The following SLC25A48 variants were observed in gnomAD, a reference collection of about 807,000 sequenced individuals.
SLC25A48 encodes the protein solute carrier family 25 member 48.
In SLC25A48, 29 loss-of-function variants were observed where a neutral mutation model predicts 32.2. That is an observed-to-expected ratio of 0.90 (90% confidence interval 0.67 to 1.23). The LOEUF (loss-of-function observed/expected upper bound fraction) is 1.23. Ranked by LOEUF, SLC25A48 falls within the 50% of genes most tolerant of loss-of-function variation. SLC25A48 has a pLI of 0.00. For synonymous variants in SLC25A48, 164 were observed against 172.3 expected (o/e 0.95, Z 0.38); for missense variants, 399 against 422.7 (o/e 0.94, Z 0.49).
At chr5:135,827,824 C>A (rs946570383) in intron 4 of SLC25A48, among the ~76,000 whole-genome samples, 1 of 151,486 alleles carries the variant, frequency 6.6e-6, no homozygotes, top group Non-Finnish European at 1.5e-5. Flanking sequence ...CCACTGCTCA[C>A]AACTTAGCTT....
intron 3 of SLC25A48, among the ~76,000 whole-genome samples, chr5:135,784,829 G>A (rs1437073223): frequency 8.5e-6 from 1 of 117,936 alleles, no homozygotes; most frequent in Non-Finnish European, 2.1e-5. Context: ...TCCCAATATC[G>A]TAAGAAATGT....
At chr5:135,671,935 G>A (rs969822671) in intron 3 of SLC25A48, among the ~76,000 whole-genome samples, 23 of 134,282 alleles carry the variant, frequency 1.7e-4, no homozygotes, top group African/African-American at 5.9e-4. Context: ...CAAAGTATCC[G>A]GCATTTAAGA....
intron 3 of SLC25A48, among the ~76,000 whole-genome samples, chr5:135,725,130 G>T (rs1471448570): frequency 6.6e-6 from 1 of 152,260 alleles, no homozygotes; most frequent in African/African-American, 2.4e-5. Context: ...CAGGAACAGA[G>T]ACAGCTTTTG....
At chr5:135,773,251 C>G (rs536797438) in intron 3 of SLC25A48, among the ~76,000 whole-genome samples, 2 of 151,498 alleles carry the variant, frequency 1.3e-5, no homozygotes, top group South Asian at 4.2e-4. Context: ...CCCAATATCT[C>G]AGAATGTGTA....
At chr5:135,667,283 A>G (rs1285790489) in intron 3 of SLC25A48, among the ~76,000 whole-genome samples, 1 of 152,190 alleles carries the variant, frequency 6.6e-6, no homozygotes, top group African/African-American at 2.4e-5. Flanking sequence ...GAGCTCTAAA[A>G]TGGAGTTGGA....
At chr5:135,824,639 G>A (rs721835) in intron 4 of SLC25A48, 57,642 of 152,060 alleles carry the variant, frequency 0.38, 12,537 homozygotes, top group Non-Finnish European at 0.49. Flanking sequence ...CCAAGACACC[G>A]CTCCAGGAGG....
At chr5:135,666,026 C>T (rs1437890555) in intron 3 of SLC25A48, among the ~76,000 whole-genome samples, 1 of 152,160 alleles carries the variant, frequency 6.6e-6, no homozygotes, top group Admixed American at 6.6e-5. Flanking sequence ...TTAGGTGAAA[C>T]TCCAATGTGT....
chr5:135,613,447 A>T (rs1752118838), intron 1 of SLC25A48, among the ~76,000 whole-genome samples: 1 of 151,952 alleles, frequency 6.6e-6, no homozygotes. Context: ...TCATTTGTCT[A>T]TTTTTGTTTT....
chr5:135,761,078 A>T (rs1756048797), intron 3 of SLC25A48, among the ~76,000 whole-genome samples: 1 of 152,112 alleles, frequency 6.6e-6, no homozygotes, highest in South Asian at 2.1e-4. Context: ...GGAGTGGAGG[A>T]TAGCTTGAGC....
In SLC25A48 at chr5:135,842,439, C is replaced by T; in HGVS notation, c.70C>T (p.His24Tyr). Residue 24 changes from histidine (H) to tyrosine (Y), a missense_variant, in exon 2 of 8, where the codon CAC becomes TAC. Coordinates refer to ENST00000681962, the MANE Select transcript of SLC25A48 (RefSeq NM_001349336.2). ...IGGAASVIVG[H>Y]PLDTVKTRLQ... ...AGGTGCAGCCAGTGTCATCGTTGGC[C>T]ACCCTCTGGACACAGTCAAGGTACA... 1.9e-6 allele frequency: 3 copies of T among 1,613,870 alleles called. No individual in the cohort carries two copies. The highest frequency in any genetic ancestry group is 2.5e-6 in the Non-Finnish European group (3 of 1,179,772).
chr5:135,744,881 A>T (rs964800373), intron 3 of SLC25A48, among the ~76,000 whole-genome samples: 1 of 152,042 alleles, frequency 6.6e-6, no homozygotes, highest in African/African-American at 2.4e-5. Context: ...GTCTCTACTA[A>T]AACTACAAAA....
chr5:135,624,256 G>A (rs1184671142), intron 1 of SLC25A48, among the ~76,000 whole-genome samples: 4 of 152,160 alleles, frequency 2.6e-5, no homozygotes, highest in South Asian at 2.1e-4. Flanking sequence ...TGACATTTCC[G>A]TCCCAGAGCA....
chr5:135,866,071 C>T (rs1484772137), intron 4 of SLC25A48, among the ~76,000 whole-genome samples: 1 of 152,158 alleles, frequency 6.6e-6, no homozygotes, highest in Non-Finnish European at 1.5e-5. Context: ...ATAGAACCCT[C>T]GTGAAAACCC....
intron 3 of SLC25A48, among the ~76,000 whole-genome samples, chr5:135,713,592 T>C (rs1468561901): frequency 6.6e-6 from 1 of 152,216 alleles, no homozygotes; most frequent in Non-Finnish European, 1.5e-5. Context: ...TTATAGCTTA[T>C]AAGTAGCAGT....
Position 135,887,489 on chromosome 5 carries a change from C to CAT in SLC25A48, c.*8-536_*8-535dup, listed in dbSNP as rs879332327. On this transcript the variant is annotated intron_variant, in intron 7 of 7. Coordinates refer to ENST00000681962, the MANE Select transcript of SLC25A48 (RefSeq NM_001349336.2). The stretch of plus-strand genomic sequence containing the variant: ...GTGTGTGTACATATACACACACACA[C>CAT]ATATATATGTGTGTATATACATATC... 7.9e-5 allele frequency among the ~76,000 whole-genome samples: 12 copies of CAT among 151,918 alleles called. No individual in the cohort carries two copies. In the East Asian group the frequency reaches 1.6e-3, roughly 20 times the overall value.
chr5:135,746,534 G>A (rs951085398), intron 3 of SLC25A48, among the ~76,000 whole-genome samples: 11 of 152,116 alleles, frequency 7.2e-5, no homozygotes, highest in Admixed American at 5.9e-4. Context: ...CCGATTCTCC[G>A]GTGCAAAATA....
chr5:135,709,702 T>C (rs1754608810), intron 3 of SLC25A48, among the ~76,000 whole-genome samples: 1 of 152,242 alleles, frequency 6.6e-6, no homozygotes, highest in Admixed American at 6.5e-5. Context: ...TTAACCTTTC[T>C]GAACTCTAGT....
At chr5:135,861,953 C>G (rs1345202548) in intron 4 of SLC25A48, among the ~76,000 whole-genome samples, 1 of 152,250 alleles carries the variant, frequency 6.6e-6, no homozygotes, top group Non-Finnish European at 1.5e-5. Flanking sequence ...TCTCCTGGGG[C>G]CTCTGCCACT....
chr5:135,631,445 A>G (rs570634283), intron 2 of SLC25A48, among the ~76,000 whole-genome samples: 12 of 152,320 alleles, frequency 7.9e-5, no homozygotes, highest in Middle Eastern at 3.4e-3. Context: ...TTTTATCTTC[A>G]CAGGGCTCCC....
Sources: allele counts gnomAD v4.1 joint callset (sites outside exome capture counted in the v4.1 genomes callset), GRCh38; gene constraint gnomAD v4.1.1; transcripts MANE v1.5; gene names NCBI Gene and HGNC (gene_info 2026-07-23, HGNC 2026-07-21).